The following ZSWIM6 variants were observed in gnomAD, a reference collection of about 807,000 sequenced individuals.
The protein encoded by ZSWIM6 is zinc finger SWIM domain-containing protein 6.
Under a neutral mutation model 113.2 loss-of-function variants are expected in ZSWIM6, and 9 were observed. The ratio of observed to expected loss-of-function variants is 0.08; its 90% CI spans 0.05 to 0.14. The LOEUF is 0.14. Among genes scored for constraint, ZSWIM6 ranks in the 10% least tolerant of loss-of-function variants. The pLI is 1.00. For synonymous variants in ZSWIM6, 611 were observed against 606.5 expected (o/e 1.01, Z -0.11); for missense variants, 1,162 against 1,552.2 (o/e 0.75, Z 4.22).
chr5:61,517,525 A>G lies in ZSWIM6; in HGVS notation c.1334-3738A>G, dbSNP rs1015681163. ...GAAAACTGCCTTTCTATTCCTTTCA[A>G]TAGTGTTTACTTTCATCTCATGGAG... On this transcript the variant is annotated intron_variant, in intron 4 of 13. Coordinates refer to ENST00000252744, the MANE Select transcript of ZSWIM6 (RefSeq NM_020928.2). 3.3e-5 allele frequency among the ~76,000 whole-genome samples: 5 copies of G among 152,048 alleles called. No individual in the cohort carries two copies. In the East Asian group the frequency reaches 7.7e-4, roughly 24 times the overall value.
chr5:61,426,926 G>T (rs1746473588), intron 1 of ZSWIM6, among the ~76,000 whole-genome samples: 1 of 150,670 alleles, frequency 6.6e-6, no homozygotes, highest in Non-Finnish European at 1.5e-5. Flanking sequence ...AAATCCATTT[G>T]CTCCTTATTG....
intron 1 of ZSWIM6, among the ~76,000 whole-genome samples, chr5:61,373,529 A>T (rs912323897): frequency 6.6e-6 from 1 of 151,994 alleles, no homozygotes; most frequent in African/African-American, 2.4e-5. Context: ...TACCACTGGT[A>T]CCCTAAGTCT....
At chr5:61,333,011 G>GCCC in intron 1 of ZSWIM6, 63 bp downstream of exon 1, 1 of 1,003,860 alleles carries the variant, frequency 1.0e-6, no homozygotes, top group Non-Finnish European at 1.2e-6. Context: ...GGGGGGGGGT[G>GCCC]CCCGCCTTTC....
intron 1 of ZSWIM6, among the ~76,000 whole-genome samples, chr5:61,353,663 C>A (rs905737433): frequency 6.6e-6 from 1 of 152,140 alleles, no homozygotes; most frequent in African/African-American, 2.4e-5. Context: ...CGATATAGTA[C>A]CTTCTTGTTC....
chr5:61,455,819 TC>T (rs1300848209), intron 1 of ZSWIM6, among the ~76,000 whole-genome samples: 1 of 64,906 alleles, frequency 1.5e-5, no homozygotes, highest in Non-Finnish European at 3.0e-5. Context: ...CCGCCTTCTC[TC>T]CCCCCGCCCC....
intron 4 of ZSWIM6, among the ~76,000 whole-genome samples, chr5:61,496,850 AT>A (rs1210313942): frequency 1.3e-5 from 2 of 152,146 alleles, no homozygotes; most frequent in East Asian, 3.9e-4. Flanking sequence ...TAAGTGACAA[AT>A]TAAATGAAAA....
chr5:61,480,091 T>G (rs939462756), intron 2 of ZSWIM6, among the ~76,000 whole-genome samples: 3 of 152,188 alleles, frequency 2.0e-5, no homozygotes, highest in Non-Finnish European at 4.4e-5. Flanking sequence ...AATACATTTA[T>G]TAGATAAGTA....
At chr5:61,500,442 C>T (rs934085964) in intron 4 of ZSWIM6, among the ~76,000 whole-genome samples, 11 of 152,018 alleles carry the variant, frequency 7.2e-5, no homozygotes, top group African/African-American at 2.4e-4. Context: ...TTGTTAAACA[C>T]TATTATATGC....
chr5:61,413,204 G>C (rs1160745876), intron 1 of ZSWIM6, among the ~76,000 whole-genome samples: 1 of 124,010 alleles, frequency 8.1e-6, no homozygotes, highest in Non-Finnish European at 1.6e-5. Flanking sequence ...CCCAGAGTGT[G>C]ATGTTCCCCT....
chr5:61,437,892 A>T (rs1746743387), intron 1 of ZSWIM6, among the ~76,000 whole-genome samples: 1 of 152,062 alleles, frequency 6.6e-6, no homozygotes, highest in African/African-American at 2.4e-5. Flanking sequence ...AGTTCAAACT[A>T]TTGTGCCAAT....
chr5:61,467,591 A>C (rs1747463500), intron 1 of ZSWIM6, among the ~76,000 whole-genome samples: 2 of 152,246 alleles, frequency 1.3e-5, no homozygotes, highest in Non-Finnish European at 2.9e-5. Context: ...GGGACCTCTT[A>C]GGGGTCCCAG....
chr5:61,403,331 CTT>C (rs1346696784), intron 1 of ZSWIM6, among the ~76,000 whole-genome samples: 1 of 152,194 alleles, frequency 6.6e-6, no homozygotes, highest in East Asian at 1.9e-4. Flanking sequence ...TTAGAACTCT[CTT>C]GGGCTCTTAA....
At chr5:61,356,653 T>C (rs567977073) in intron 1 of ZSWIM6, among the ~76,000 whole-genome samples, 269 of 143,904 alleles carry the variant, frequency 1.9e-3, no homozygotes, top group African/African-American at 6.3e-3. Context: ...GTCTTACAGG[T>C]TTGATATATA....
At chr5:61,457,632 C>T (rs1269732555) in intron 1 of ZSWIM6, among the ~76,000 whole-genome samples, 1 of 152,120 alleles carries the variant, frequency 6.6e-6, no homozygotes, top group Non-Finnish European at 1.5e-5. Flanking sequence ...AGCAATTCTC[C>T]TGCCTTAGCC....
chr5:61,460,275 G>A (rs905021999), intron 1 of ZSWIM6, among the ~76,000 whole-genome samples: 1 of 151,898 alleles, frequency 6.6e-6, no homozygotes, highest in African/African-American at 2.4e-5. Context: ...CCATAGTTCT[G>A]TTTATCAGCT....
chr5:61,529,960 T>C lies in ZSWIM6; in HGVS notation c.1838-92T>C, dbSNP rs558238780. The stretch of plus-strand genomic sequence containing the variant: ...ATTCAGAACTGGTTTATCAGGATGC[T>C]GCTATTAAATGGTAAAGCCTCTGTT... On this transcript the variant is annotated intron_variant, in intron 7 of 13. Coordinates refer to ENST00000252744, the MANE Select transcript of ZSWIM6 (RefSeq NM_020928.2). 43 of 1,130,852 alleles carry C rather than the reference T, an allele frequency of 3.8e-5. No homozygotes were observed. In the South Asian group the frequency reaches 6.7e-4, roughly 18 times the overall value. 70.1% of individuals were successfully genotyped at this position (1,130,852 alleles called of 1,614,324 possible). A position where few individuals can be genotyped will look rare whatever the true frequency, so the allele number is the denominator to read the frequency against.
chr5:61,463,849 C>T (rs1358724292), intron 1 of ZSWIM6, among the ~76,000 whole-genome samples: 2 of 152,152 alleles, frequency 1.3e-5, no homozygotes, highest in Non-Finnish European at 2.9e-5. Context: ...ATTTGATGTA[C>T]TTTCGAGGGC....
intron 1 of ZSWIM6, among the ~76,000 whole-genome samples, chr5:61,401,483 G>C (rs910196485): frequency 6.6e-6 from 1 of 151,412 alleles, no homozygotes; most frequent in African/African-American, 2.4e-5. Flanking sequence ...GAAAATAAAG[G>C]GTATATAGAT....
chr5:61,530,347 A>G lies in ZSWIM6; in HGVS notation c.1984+149A>G, dbSNP rs138505413. 237 of 772,054 alleles carry G rather than the reference A, an allele frequency of 3.1e-4. No homozygotes were observed. In the African/African-American group the frequency reaches 3.4e-3, roughly 11 times the overall value. The allele number at this position is 772,054 out of a possible 1,614,324, so 47.8% of individuals were successfully genotyped here. Reference sequence around the variant, plus strand: ...AGAGAGCAAGAAAATGGGCACTGTCATGCTTTCACGCAGGCTGCTACAAAA... The same window carrying G: ...AGAGAGCAAGAAAATGGGCACTGTCGTGCTTTCACGCAGGCTGCTACAAAA... On this transcript the variant is annotated intron_variant, in intron 8 of 13. Coordinates refer to ENST00000252744, the MANE Select transcript of ZSWIM6 (RefSeq NM_020928.2).
Sources: gnomAD v4.1 joint callset for allele counts (sites outside exome capture counted in the v4.1 genomes callset) on GRCh38, gnomAD v4.1.1 for gene constraint, MANE v1.5 for transcripts, NCBI Gene and HGNC (gene_info 2026-07-23, HGNC 2026-07-21) for gene names.